The following TENM2 variants were observed in gnomAD, a reference collection of about 807,000 sequenced individuals.
The protein encoded by TENM2 is teneurin transmembrane protein 2.
TENM2 carries 52 observed loss-of-function variants against 245.2 expected under a neutral mutation model. That is an observed-to-expected ratio of 0.21 (90% CI 0.17 to 0.27). The LOEUF is 0.27. TENM2 is among the 10% of genes least tolerant of loss of function. The pLI is 1.00. For missense variants in TENM2, 3,046 were observed against 3,666.8 expected, an observed-to-expected ratio of 0.83 and a Z score of 4.37; for synonymous variants, 1,363 against 1,438.9, an observed-to-expected ratio of 0.95 and a Z score of 1.19.
At chr5:168,050,357 G>A (rs553449640) in intron 6 of TENM2, among the ~76,000 whole-genome samples, 24 of 152,136 alleles carry the variant, frequency 1.6e-4, no homozygotes, top group African/African-American at 5.1e-4. Context: ...AGTGACCTCC[G>A]CGCTCCCCAT....
intron 2 of TENM2, among the ~76,000 whole-genome samples, chr5:167,545,835 T>C (rs1040231125): frequency 5.9e-5 from 9 of 152,182 alleles, no homozygotes; most frequent in African/African-American, 2.2e-4. Flanking sequence ...GTGCCCTCCA[T>C]GAGTAAATTT....
At chr5:168,148,555 T>C (rs779449718) in intron 12 of TENM2, among the ~76,000 whole-genome samples, 2 of 152,308 alleles carry the variant, frequency 1.3e-5, no homozygotes, top group South Asian at 2.1e-4. Context: ...GAGCAGGATA[T>C]GTTCACGATA....
At chr5:167,109,470 A>G in the TENM2 span, among the ~76,000 whole-genome samples, 1 of 152,224 alleles carries the variant, frequency 6.6e-6, no homozygotes, top group Non-Finnish European at 1.5e-5. Context: ...TTAAACAAAA[A>G]TATAACATTA....
intron 2 of TENM2, among the ~76,000 whole-genome samples, chr5:167,736,790 T>C (rs1324141564): frequency 6.6e-6 from 1 of 151,882 alleles, no homozygotes; most frequent in Non-Finnish European, 1.5e-5. Flanking sequence ...CGGTGGGAAC[T>C]TGAGAAGTCT....
chr5:167,173,559 G>A, the TENM2 span, among the ~76,000 whole-genome samples: 1 of 152,112 alleles, frequency 6.6e-6, no homozygotes, highest in Non-Finnish European at 1.5e-5. Flanking sequence ...TTTATGACCA[G>A]GAGCATGTTG....
the TENM2 span, among the ~76,000 whole-genome samples, chr5:167,248,173 G>A: frequency 6.6e-6 from 1 of 152,076 alleles, no homozygotes; most frequent in Admixed American, 6.5e-5. Context: ...GAAATTTGAC[G>A]GATTTTTGCT....
chr5:167,662,947 T>A (rs1475894562), intron 2 of TENM2, among the ~76,000 whole-genome samples: 4 of 152,186 alleles, frequency 2.6e-5, no homozygotes, highest in African/African-American at 9.7e-5. Flanking sequence ...TAACACAAGA[T>A]GTTTTCATTT....
At chr5:167,801,551 A>G (rs1352599113) in intron 2 of TENM2, among the ~76,000 whole-genome samples, 1 of 152,138 alleles carries the variant, frequency 6.6e-6, no homozygotes, top group African/African-American at 2.4e-5. Context: ...ACAGATAAAC[A>G]AAGTCCCATG....
At chr5:167,177,793 T>C in the TENM2 span, among the ~76,000 whole-genome samples, 3 of 152,188 alleles carry the variant, frequency 2.0e-5, no homozygotes, top group Admixed American at 6.5e-5. Flanking sequence ...TAAAGGAATC[T>C]GTATTACTTG....
the TENM2 span, among the ~76,000 whole-genome samples, chr5:167,223,238 A>G: frequency 3.9e-5 from 6 of 152,110 alleles, no homozygotes; most frequent in African/African-American, 9.7e-5. Context: ...GTTGTTAACT[A>G]TAGACACCCT....
At chr5:167,431,949 GTATATATATA>G (rs1482830661) in intron 2 of TENM2, among the ~76,000 whole-genome samples, 3 of 53,228 alleles carry the variant, frequency 5.6e-5, no homozygotes, top group African/African-American at 1.6e-4. Context: ...ACATATATAT[GTATATATATA>G]TGTATATATA....
At chr5:168,067,509 A>G (rs569567724) in intron 7 of TENM2, among the ~76,000 whole-genome samples, 1 of 152,332 alleles carries the variant, frequency 6.6e-6, no homozygotes, top group East Asian at 1.9e-4. Context: ...GACATTTTTT[A>G]AAAGCAGATT....
At chr5:167,467,163 A>T (rs1158486672) in intron 2 of TENM2, among the ~76,000 whole-genome samples, 1 of 152,090 alleles carries the variant, frequency 6.6e-6, no homozygotes, top group African/African-American at 2.4e-5. Context: ...GAGAGAGGTG[A>T]TTGGAACATG....
rs150576329 is a variant in TENM2, at chr5:168,148,925, A to AGATAGATAGATT, written c.2423-13681_2423-13680insATAGATTGATAG. Among the ~76,000 whole-genome samples the AGATAGATAGATT allele has an allele frequency of 1.3e-4, 15 of 114,954 alleles. 2 individuals carry two copies. The highest frequency in any genetic ancestry group is 2.2e-4 in the Non-Finnish European group (12 of 54,382). The allele number at this position is 114,954 out of a possible 152,430, so 75.4% of individuals were successfully genotyped here. ...TAGATAGATAGATAGATAGATTGAT[A>AGATAGATAGATT]GATAGCACAAGCTTTTTAAGCATGT... On this transcript the variant is annotated intron_variant, in intron 12 of 28. Coordinates refer to ENST00000518659, the Ensembl canonical transcript of TENM2.
intron 5 of TENM2, among the ~76,000 whole-genome samples, chr5:168,019,810 T>C (rs1322964473): frequency 6.6e-6 from 1 of 152,254 alleles, no homozygotes; most frequent in Non-Finnish European, 1.5e-5. Context: ...AACTTTCCTA[T>C]TTTTAATTGC....
chr5:168,231,507 A>G (rs780232152), intron 25 of TENM2, among the ~76,000 whole-genome samples: 2 of 152,198 alleles, frequency 1.3e-5, no homozygotes, highest in Non-Finnish European at 2.9e-5. Context: ...TGCACATGGA[A>G]AAGAACATGG....
intron 2 of TENM2, among the ~76,000 whole-genome samples, chr5:167,799,282 C>T (rs1359057756): frequency 6.6e-6 from 1 of 152,214 alleles, no homozygotes. Flanking sequence ...CATTAAACAA[C>T]TTCAAATCGC....
At chr5:167,910,724 G>A (rs1448564456) in intron 3 of TENM2, among the ~76,000 whole-genome samples, 7 of 151,998 alleles carry the variant, frequency 4.6e-5, no homozygotes, top group Non-Finnish European at 7.4e-5. Flanking sequence ...GCTTTTTTGC[G>A]TTCTTTGTCT....
chr5:167,564,316 C>A (rs1049472189), intron 2 of TENM2, among the ~76,000 whole-genome samples: 1 of 151,914 alleles, frequency 6.6e-6, no homozygotes, highest in Non-Finnish European at 1.5e-5. Context: ...GAGGTAGAGG[C>A]CTATGCAGCT....
Sources: allele counts gnomAD v4.1 joint callset (sites outside exome capture counted in the v4.1 genomes callset), GRCh38; gene constraint gnomAD v4.1.1; transcripts MANE v1.5; gene names NCBI Gene and HGNC (gene_info 2026-07-23, HGNC 2026-07-21).